FBH1: variants seen among roughly 807,000 people sequenced by gnomAD.
FBH1 encodes the protein DNA 3'-5' helicase 1.
A neutral mutation model predicts 115.5 loss-of-function variants in FBH1; 43 were observed. The ratio of observed to expected loss-of-function variants is 0.37; its 90% CI spans 0.29 to 0.48. FBH1 has a LOEUF of 0.48. Among genes scored for constraint, FBH1 ranks in the 20% least tolerant of loss-of-function variants. The pLI, the probability that FBH1 is intolerant of heterozygous loss-of-function variation, is 0.99. For synonymous variants in FBH1, 524 were observed against 507.8 expected, an observed-to-expected ratio of 1.03 and a Z score of -0.43; for missense variants, 1,001 against 1,337.3, an observed-to-expected ratio of 0.75 and a Z score of 3.92.
At chr10:5,922,776 T>C (rs898454181) in intron 15 of FBH1, among the ~76,000 whole-genome samples, 1 of 152,238 alleles carries the variant, frequency 6.6e-6, no homozygotes, top group African/African-American at 2.4e-5. Context: ...GCCCAGCCAG[T>C]GCTCAGCAGA....
chr10:5,897,789 C>T lies in FBH1; in HGVS notation c.2-5231C>T, dbSNP rs1447483875. ...AAGCAGAACACAGTGTTCCAACACT[C>T]CCATTAGCACTTTCTGTTACTCCTG... On this transcript the variant is annotated intron_variant, in intron 1 of 20. Coordinates refer to ENST00000362091, the MANE Select transcript of FBH1 (RefSeq NM_178150.3). This position sits in a 1 kb window ranked among gnomAD's most constrained non-coding sequence, Gnocchi z 4.7. Among the ~76,000 whole-genome samples the T allele has an allele frequency of 6.6e-6, 1 of 152,212 alleles. No individual in the cohort carries two copies. Among genetic ancestry groups the T allele is most frequent in the African/African-American group, 2.4e-5 (1 of 41,456 alleles).
intron 15 of FBH1, among the ~76,000 whole-genome samples, chr10:5,922,966 C>T (rs1442067481): frequency 3.3e-5 from 5 of 151,482 alleles, no homozygotes; most frequent in Non-Finnish European, 7.4e-5. Context: ...TTGCTGTAAC[C>T]TCTGCCTCCC....
rs895635521 is a variant in FBH1 at position 5,923,225 on chromosome 10, C to T, written c.2323-396C>T. On this transcript the variant is annotated intron_variant, in intron 15 of 20. Coordinates refer to ENST00000362091, the MANE Select transcript of FBH1 (RefSeq NM_178150.3). The surrounding 1 kb of genome is among the most constrained non-coding windows in gnomAD (Gnocchi z 5.7). ...AAGAAACAGTGGTAAATGTGCATACCCAGCACTTTGTATTCAGGTGCCATT... is the reference window on the plus strand; with the variant it reads ...AAGAAACAGTGGTAAATGTGCATACTCAGCACTTTGTATTCAGGTGCCATT... Among the ~76,000 whole-genome samples, 1 of 152,162 alleles carries T rather than the reference C, an allele frequency of 6.6e-6. No homozygotes were observed. The highest frequency in any genetic ancestry group is 1.5e-5 in the Non-Finnish European group (1 of 68,030).
At position 5,917,491 on chromosome 10, in the gene FBH1, C is replaced by T; in HGVS notation, c.1860C>T (p.His620=). 6.2e-7 allele frequency: 1 copy of T among 1,614,196 alleles called. No homozygotes were observed. Among genetic ancestry groups the T allele is most frequent in the East Asian group, 2.2e-5 (1 of 44,878 alleles). Residue 620 remains histidine (H), a synonymous_variant, in exon 11 of 21, where the codon CAC becomes CAT. Transcript: ENST00000362091. This position sits in a 1 kb window ranked among gnomAD's most constrained non-coding sequence, Gnocchi z 5.6. The part of the protein sequence containing the change: ...RKLGECTEEA[H]QMTHDGYLKL... ...TGGGGGAGTGCACAGAAGAGGCGCA[C>T]CAGATGACTCATGACGGTAGGCGGC...
intron 19 of FBH1, among the ~76,000 whole-genome samples, chr10:5,930,158 T>C (rs1832888793): frequency 6.6e-6 from 1 of 152,210 alleles, no homozygotes; most frequent in African/African-American, 2.4e-5. Context: ...AATATGTACT[T>C]TTTTCCCCAT....
chr10:5,917,235 G>C lies in FBH1; in HGVS notation c.1789-185G>C, dbSNP rs1044351107. ...CACGGCCCGGCTGCTTCCTGTCTCA[G>C]CACTGGAGACCCTCTGGCGTGGAGA... is the stretch of plus-strand genomic sequence containing the variant. On this transcript the variant is annotated intron_variant, in intron 10 of 20. Transcript: ENST00000362091. This position sits in a 1 kb window ranked among gnomAD's most constrained non-coding sequence, Gnocchi z 5.6. The C allele has an allele frequency of 3.3e-6, 2 of 602,480 alleles. No individual in the cohort carries two copies. The highest frequency in any genetic ancestry group is 5.5e-5 in the Admixed American group (2 of 36,360). 37.3% of individuals were successfully genotyped at this position (602,480 alleles called of 1,614,324 possible).
Position 5,931,614 on chromosome 10 carries a change from T to C in FBH1, c.2829+4073T>C, listed in dbSNP as rs1832975984. On this transcript the variant is annotated intron_variant, in intron 19 of 20. Coordinates refer to ENST00000362091, the MANE Select transcript of FBH1 (RefSeq NM_178150.3). This position sits in a 1 kb window ranked among gnomAD's most constrained non-coding sequence, Gnocchi z 4.3. The stretch of plus-strand genomic sequence containing the variant: ...AATAATGCCAGTATTAATGGAATAC[T>C]GACTGGACTTGAAGATTTCCTAACA... Among the ~76,000 whole-genome samples the C allele has an allele frequency of 6.6e-6, 1 of 152,258 alleles. No individual in the cohort carries two copies. The highest frequency in any genetic ancestry group is 1.9e-4 in the East Asian group (1 of 5,208).
chr10:5,915,183 C>G lies in FBH1; in HGVS notation c.1397-220C>G, dbSNP rs1589085263. Among the ~76,000 whole-genome samples the G allele has an allele frequency of 6.6e-6, 1 of 152,198 alleles. No homozygotes were observed. The highest frequency in any genetic ancestry group is 1.5e-5 in the Non-Finnish European group (1 of 68,034). On this transcript the variant is annotated intron_variant, in intron 8 of 20. Transcript: ENST00000362091. The surrounding 1 kb of genome is among the most constrained non-coding windows in gnomAD (Gnocchi z 5.2). The stretch of plus-strand genomic sequence containing the variant: ...TCAAGGGGTCCACCTGTCCTTTGCC[C>G]CTCGGCTGGAGCCTGCCCCAGCTGA...
chr10:5,921,083 A>C lies in FBH1; in HGVS notation c.2101-175A>C, dbSNP rs1486725120. ...ATTGGTGTTGAGAATAATGGAAAAT[A>C]AAGACTGCTGAGTTGTGAAGGACCT... On this transcript the variant is annotated intron_variant, in intron 13 of 20. Coordinates refer to ENST00000362091, the MANE Select transcript of FBH1 (RefSeq NM_178150.3). The surrounding 1 kb of genome is among the most constrained non-coding windows in gnomAD (Gnocchi z 6.4). Among the ~76,000 whole-genome samples, 2 of 152,272 alleles carry C rather than the reference A, an allele frequency of 1.3e-5. No individual in the cohort carries two copies. The highest frequency in any genetic ancestry group is 2.9e-5 in the Non-Finnish European group (2 of 68,052).
chr10:5,930,475 T>A (rs1832904768), intron 19 of FBH1, among the ~76,000 whole-genome samples: 1 of 152,248 alleles, frequency 6.6e-6, no homozygotes, highest in African/African-American at 2.4e-5. Context: ...TCATTACCTG[T>A]CCTGGCTTTC....
chr10:5,901,065 C>A (rs942623191), intron 1 of FBH1, among the ~76,000 whole-genome samples: 3 of 151,876 alleles, frequency 2.0e-5, no homozygotes, highest in African/African-American at 7.3e-5. Flanking sequence ...TCACTGTGCT[C>A]CAGCCTAAGC....
Position 5,917,937 on chromosome 10 carries a change from C to T in FBH1, c.1963+261C>T, listed in dbSNP as rs1832073998. On this transcript the variant is annotated intron_variant, in intron 12 of 20. Coordinates refer to ENST00000362091, the MANE Select transcript of FBH1 (RefSeq NM_178150.3). This position sits in a 1 kb window ranked among gnomAD's most constrained non-coding sequence, Gnocchi z 5.6. ...GACGACAGGGACCTAGACTCATGCT[C>T]TGTGGGAAGAGATCGTCCATTGACA... Among the ~76,000 whole-genome samples, 1 of 152,208 alleles carries T rather than the reference C, an allele frequency of 6.6e-6. No individual in the cohort carries two copies. The highest frequency in any genetic ancestry group is 2.4e-5 in the African/African-American group (1 of 41,440).
chr10:5,918,553 G>T lies in FBH1; in HGVS notation c.2100+75G>T. On this transcript the variant is annotated intron_variant, in intron 13 of 20. Coordinates refer to ENST00000362091, the MANE Select transcript of FBH1 (RefSeq NM_178150.3). This position sits in a 1 kb window ranked among gnomAD's most constrained non-coding sequence, Gnocchi z 4.0. ...TACGTGCCAGGCCCTGTGAAAGGTG[G>T]TATGCCAGGCTCACCAGATCTAGCA... The T allele has an allele frequency of 1.4e-6, 2 of 1,457,664 alleles. No individual in the cohort carries two copies. The highest frequency in any genetic ancestry group is 9.0e-7 in the Non-Finnish European group (1 of 1,106,318). 90.3% of individuals were successfully genotyped at this position (1,457,664 alleles called of 1,614,324 possible). A position where few individuals can be genotyped will look rare whatever the true frequency, so the allele number is the denominator to read the frequency against.
rs1283364929 is a variant in FBH1, at chr10:5,895,717, C to T, written c.1+5371C>T. On this transcript the variant is annotated intron_variant, in intron 1 of 20. Transcript: ENST00000362091. The surrounding 1 kb of genome is among the most constrained non-coding windows in gnomAD (Gnocchi z 5.0). ...AGCAGTAGTCCGAGGATTGAGGCTG[C>T]TGGAGGCTCTTCTATTTTGAACACC... Among the ~76,000 whole-genome samples the T allele has an allele frequency of 6.6e-6, 1 of 152,104 alleles. No homozygotes were observed. The highest frequency in any genetic ancestry group is 1.5e-5 in the Non-Finnish European group (1 of 68,008).
rs1461633214 is a variant in FBH1 at position 5,895,407 on chromosome 10, C to T, written c.1+5061C>T. Among the ~76,000 whole-genome samples the T allele has an allele frequency of 6.6e-6, 1 of 152,034 alleles. No homozygotes were observed. The highest frequency in any genetic ancestry group is 1.5e-5 in the Non-Finnish European group (1 of 68,016). On this transcript the variant is annotated intron_variant, in intron 1 of 20. Transcript: ENST00000362091. The surrounding 1 kb of genome is among the most constrained non-coding windows in gnomAD (Gnocchi z 5.0). Reference sequence around the variant, plus strand: ...TCCAGGAATTCTAGGTACTTATTGTCTTCATCTTGTCCATTTAGGTCTGTA... The same window carrying T: ...TCCAGGAATTCTAGGTACTTATTGTTTTCATCTTGTCCATTTAGGTCTGTA...
In FBH1 at chr10:5,911,093, C is replaced by T. The variant is rs143815430; in HGVS notation, c.1176C>T (p.Tyr392=). ...TGTACTGCATAGCCGTGCTTCTCTA[C>T]GCCATGAGGGAGAAGGGGATTAACA... is the stretch of plus-strand genomic sequence containing the variant. ...ETLYCIAVLL[Y]AMREKGINIS... Residue 392 remains tyrosine, a synonymous_variant, in exon 6 of 21, where the codon TAC becomes TAT. Coordinates refer to ENST00000362091, the MANE Select transcript of FBH1 (RefSeq NM_178150.3). This position sits in a 1 kb window ranked among gnomAD's most constrained non-coding sequence, Gnocchi z 5.4. 2.1e-5 allele frequency: 34 copies of T among 1,613,050 alleles called. No homozygotes were observed. In the African/African-American group the frequency reaches 3.1e-4, roughly 15 times the overall value.
rs149857991 is a variant in FBH1, at chr10:5,900,695, A to G, written c.2-2325A>G. Among the ~76,000 whole-genome samples, 123 of 152,278 alleles carry G rather than the reference A, an allele frequency of 8.1e-4. No homozygotes were observed. The highest frequency in any genetic ancestry group is 2.5e-3 in the African/African-American group (105 of 41,544). On this transcript the variant is annotated intron_variant, in intron 1 of 20. Transcript: ENST00000362091. The surrounding 1 kb of genome is among the most constrained non-coding windows in gnomAD (Gnocchi z 4.2). The stretch of plus-strand genomic sequence containing the variant: ...ATTAAACCTTGAAAAAGTTAACTGA[A>G]ATTTGGAAGGGTGATTTCTGAATTA...
chr10:5,920,914 A>G lies in FBH1; in HGVS notation c.2101-344A>G, dbSNP rs117718074. On this transcript the variant is annotated intron_variant, in intron 13 of 20. Transcript: ENST00000362091. The stretch of plus-strand genomic sequence containing the variant: ...CTGCCATGGCTGGTTGGTGCAGGGC[A>G]GTAGTTTTAAAGGTAGTGTGGAGAG... Among the ~76,000 whole-genome samples, 156 of 152,342 alleles carry G rather than the reference A, an allele frequency of 1.0e-3. 3 individuals are homozygous for G. The East Asian group carries it at 0.024, about 24-fold the overall frequency.
chr10:5,907,077 C>T (rs974222505), intron 3 of FBH1, among the ~76,000 whole-genome samples: 1 of 152,130 alleles, frequency 6.6e-6, no homozygotes, highest in African/African-American at 2.4e-5. Context: ...ATTCTCCTGC[C>T]TCAGCCTCCC....
Sources: allele counts gnomAD v4.1 joint callset (sites outside exome capture counted in the v4.1 genomes callset), GRCh38; gene constraint gnomAD v4.1.1; non-coding constraint Gnocchi (gnomAD v3.1); transcripts MANE v1.5; gene names NCBI Gene and HGNC (gene_info 2026-07-23, HGNC 2026-07-21).